The following COL19A1 variants were observed in gnomAD, a reference collection of about 807,000 sequenced individuals.
COL19A1 encodes collagen type XIX alpha 1 chain.
COL19A1 carries 159 observed loss-of-function variants against 190.2 expected under a neutral mutation model. That is an observed-to-expected ratio of 0.84 (90% confidence interval 0.73 to 0.95). The LOEUF is 0.95. COL19A1 is among the 40% of genes least tolerant of loss of function. The pLI, the probability that COL19A1 is intolerant of heterozygous loss-of-function variation, is 0.00. For missense variants in COL19A1, 1,418 were observed against 1,431.9 expected (o/e 0.99, Z 0.16); for synonymous variants, 509 against 458.9 (o/e 1.11, Z -1.39).
chr6:70,053,464 C>G (rs780702641), intron 14 of COL19A1, among the ~76,000 whole-genome samples: 1 of 152,164 alleles, frequency 6.6e-6, no homozygotes, highest in African/African-American at 2.4e-5. Flanking sequence ...GAAAGTGACA[C>G]TGGAACAACC....
chr6:70,034,694 A>G (rs1402621233), intron 13 of COL19A1, among the ~76,000 whole-genome samples: 1 of 152,058 alleles, frequency 6.6e-6, no homozygotes, highest in East Asian at 1.9e-4. Context: ...TAACTATTCC[A>G]TTTTCTGCCA....
At chr6:70,016,384 A>C (rs1191610711) in intron 11 of COL19A1, among the ~76,000 whole-genome samples, 3 of 122,614 alleles carry the variant, frequency 2.4e-5, no homozygotes, top group Non-Finnish European at 4.8e-5. Context: ...AAAAAAAAAA[A>C]CACATGAAAA....
intron 9 of COL19A1, among the ~76,000 whole-genome samples, chr6:69,951,275 A>G (rs900521678): frequency 6.6e-6 from 1 of 151,964 alleles, no homozygotes; most frequent in Non-Finnish European, 1.5e-5. Context: ...TTTATAAAAC[A>G]GGAATTATAT....
intron 18 of COL19A1, among the ~76,000 whole-genome samples, chr6:70,132,030 G>C (rs570763531): frequency 6.6e-6 from 1 of 152,246 alleles, no homozygotes; most frequent in Non-Finnish European, 1.5e-5. Flanking sequence ...ACTTGATGCA[G>C]TACATGATAT....
At chr6:69,946,488 A>C (rs1176793808) in intron 9 of COL19A1, among the ~76,000 whole-genome samples, 1 of 152,000 alleles carries the variant, frequency 6.6e-6, no homozygotes, top group Non-Finnish European at 1.5e-5. Flanking sequence ...TTCTGTGTGA[A>C]TATGTCTAGT....
intron 2 of COL19A1, chr6:69,891,097 G>T: frequency 4.0e-6 from 1 of 250,520 alleles, no homozygotes; most frequent in South Asian, 5.0e-5. Flanking sequence ...CCATTTGTTA[G>T]AAAACACATA....
chr6:69,971,028 C>G (rs1268975829), intron 11 of COL19A1, among the ~76,000 whole-genome samples: 1 of 152,066 alleles, frequency 6.6e-6, no homozygotes, highest in African/African-American at 2.4e-5. Context: ...TATTATTTTC[C>G]TAATTCCTTA....
At chr6:70,145,710 A>T (rs1319841557) in intron 25 of COL19A1, among the ~76,000 whole-genome samples, 2 of 132,438 alleles carry the variant, frequency 1.5e-5, no homozygotes, top group African/African-American at 6.0e-5. Flanking sequence ...TCATCTATTC[A>T]TCTTATTGTT....
At chr6:70,027,256 T>C (rs528423881) in intron 12 of COL19A1, among the ~76,000 whole-genome samples, 2 of 152,310 alleles carry the variant, frequency 1.3e-5, no homozygotes, top group Admixed American at 6.5e-5. Context: ...GTATTATATA[T>C]GTATCTTAGT....
intron 9 of COL19A1, among the ~76,000 whole-genome samples, chr6:69,949,553 T>A (rs1774007901): frequency 6.6e-6 from 1 of 151,906 alleles, no homozygotes. Context: ...TTTAAAATCA[T>A]CCTCATGAGG....
At chr6:69,921,566 A>ATATATTCATG in intron 4 of COL19A1, among the ~76,000 whole-genome samples, 1 of 131,030 alleles carries the variant, frequency 7.6e-6, no homozygotes, top group Non-Finnish European at 1.6e-5. Flanking sequence ...ATATATTCGT[A>ATATATTCATG]TATATTCATA....
At chr6:70,097,121 G>A (rs575103807) in intron 15 of COL19A1, among the ~76,000 whole-genome samples, 2 of 151,952 alleles carry the variant, frequency 1.3e-5, no homozygotes, top group African/African-American at 2.4e-5. Flanking sequence ...TCCCTTTTTA[G>A]TACTCCTAAG....
intron 11 of COL19A1, among the ~76,000 whole-genome samples, chr6:69,974,806 C>CTTTTTTTTT (rs35518948): frequency 1.1e-5 from 1 of 93,046 alleles, no homozygotes; most frequent in Non-Finnish European, 2.0e-5. Context: ...AGACAGCTTC[C>CTTTTTTTTT]TTTTTTTTTT....
intron 11 of COL19A1, among the ~76,000 whole-genome samples, chr6:69,967,762 T>G (rs1274355065): frequency 6.6e-6 from 1 of 152,204 alleles, no homozygotes; most frequent in African/African-American, 2.4e-5. Flanking sequence ...TCTGGTTTTA[T>G]AGTGGTTGCA....
At chr6:70,118,202 C>T (rs997450779) in intron 16 of COL19A1, among the ~76,000 whole-genome samples, 5 of 152,158 alleles carry the variant, frequency 3.3e-5, no homozygotes, top group African/African-American at 1.2e-4. Flanking sequence ...TATTTCATAC[C>T]AGAATAGAAG....
intron 14 of COL19A1, among the ~76,000 whole-genome samples, chr6:70,050,823 A>G (rs1045336496): frequency 2.6e-5 from 4 of 152,120 alleles, no homozygotes; most frequent in African/African-American, 9.7e-5. Context: ...AGAAACAGGA[A>G]TTATCTCTTT....
At chr6:70,088,263 A>G (rs1487761553) in intron 15 of COL19A1, among the ~76,000 whole-genome samples, 2 of 152,128 alleles carry the variant, frequency 1.3e-5, no homozygotes, top group Non-Finnish European at 2.9e-5. Flanking sequence ...TTAGGCAGGT[A>G]TGTTTTTATT....
At position 69,900,876 on chromosome 6, in the gene COL19A1, C is replaced by T. The variant is rs527886650; in HGVS notation, c.266+538C>T. Among the ~76,000 whole-genome samples the T allele has an allele frequency of 2.6e-5, 4 of 152,130 alleles. No individual in the cohort carries two copies. In the South Asian group the frequency reaches 8.3e-4, roughly 32 times the overall value. On this transcript the variant is annotated intron_variant, in intron 4 of 50. Transcript: ENST00000620364. ...TTTAAAATAGATTTACCAAAGTTTT[C>T]CCTTACTTTTTCTTTCTTTTTTCTA...
chr6:70,088,256 G>A (rs948656379), intron 15 of COL19A1, among the ~76,000 whole-genome samples: 2 of 152,076 alleles, frequency 1.3e-5, no homozygotes, highest in African/African-American at 4.8e-5. Flanking sequence ...ACTATCTTTA[G>A]GCAGGTATGT....
Sources: gnomAD v4.1 joint callset for allele counts (sites outside exome capture counted in the v4.1 genomes callset) on GRCh38, gnomAD v4.1.1 for gene constraint, MANE v1.5 for transcripts, NCBI Gene and HGNC (gene_info 2026-07-23, HGNC 2026-07-21) for gene names.